Variants in SULT1B1 observed in about 807,000 individuals in gnomAD.
SULT1B1 encodes sulfotransferase family 1B member 1.
Under a neutral mutation model 34.6 loss-of-function variants are expected in SULT1B1, and 28 were observed. The observed-to-expected ratio is 0.81, with a 90% confidence interval of 0.60 to 1.11. The LOEUF (loss-of-function observed/expected upper bound fraction) is 1.11, where lower values mean the gene tolerates loss of function less well. Among genes scored for constraint, SULT1B1 ranks in the 50% least tolerant of loss-of-function variants. SULT1B1 has a pLI of 0.00. For missense variants in SULT1B1, 374 were observed against 352.2 expected, an observed-to-expected ratio of 1.06 and a Z score of -0.50; for synonymous variants, 147 against 110.2, an observed-to-expected ratio of 1.33 and a Z score of -2.09.
Position 69,734,966 on chromosome 4 carries a change from C to T in SULT1B1, c.376-702G>A, listed in dbSNP as rs568608864. Among the ~76,000 whole-genome samples the T allele has an allele frequency of 4.9e-3, 741 of 151,972 alleles. 1 individual carries two copies. Among genetic ancestry groups the T allele is most frequent in the Non-Finnish European group, 8.1e-3 (550 of 67,950 alleles). On this transcript the variant is annotated intron_variant, in intron 4 of 7. Coordinates refer to ENST00000310613, the MANE Select transcript of SULT1B1 (RefSeq NM_014465.4). ...CCGGAGTAGCTGTGACTACAGGCGC[C>T]CGCCACCACGCCTGGCTAATTTTTT...
At position 69,754,789 on chromosome 4, in the gene SULT1B1, CAAGT is replaced by C. The variant is rs1293720050; in HGVS notation, c.154_157del (p.Thr52GlyfsTer6). ...AATCATGTCTATAATTTCACTAACC[CAAGT>C]AGTACCTGTGACAAAAGGCAACATT... On this transcript the variant is annotated frameshift_variant, in exon 3 of 8. Transcript: ENST00000310613. LOFTEE classifies it high-confidence loss of function. The C allele has an allele frequency of 2.5e-6, 4 of 1,609,586 alleles. No homozygotes were observed. Among genetic ancestry groups the C allele is most frequent in the African/African-American group, 1.3e-5 (1 of 74,690 alleles).
At position 69,744,291 on chromosome 4, in the gene SULT1B1, G is replaced by A. The variant is rs373912822; in HGVS notation, c.375+5430C>T. Among the ~76,000 whole-genome samples, 172 of 152,306 alleles carry A rather than the reference G, an allele frequency of 1.1e-3. 5 individuals are homozygous for A. In the South Asian group the frequency reaches 0.031, roughly 28 times the overall value. On this transcript the variant is annotated intron_variant, in intron 4 of 7. Coordinates refer to ENST00000310613, the MANE Select transcript of SULT1B1 (RefSeq NM_014465.4). ...TCTCCTCTCTGTGTTTCCCCTCAGC[G>A]GAGGCGCAGCGGCCCTGGCCAACTT... is the stretch of plus-strand genomic sequence containing the variant.
At chr4:69,731,051 C>A (rs1446511219) in intron 6 of SULT1B1, among the ~76,000 whole-genome samples, 1 of 152,002 alleles carries the variant, frequency 6.6e-6, no homozygotes, top group Non-Finnish European at 1.5e-5. Context: ...TTTTTGGGGT[C>A]AAAAATATTT....
rs1717676250 is a variant in SULT1B1 at position 69,721,895 on chromosome 4, T to C, written c.*5193A>G. 1 of 152,122 alleles carries C rather than the reference T, an allele frequency of 6.6e-6. No homozygotes were observed. The highest frequency in any genetic ancestry group is 2.1e-4 in the South Asian group (1 of 4,838). The allele number at this position is 152,122 out of a possible 1,614,324, so 9.4% of individuals were successfully genotyped here. ...GTTCTGTTAGAGAAAGATTGTAATA[T>C]GAGATTATTTTAAGTGTTTTCATTT... On this transcript the variant is annotated 3_prime_UTR_variant, in exon 8 of 8. Transcript: ENST00000310613.
chr4:69,728,889 C>T (rs73826826), intron 7 of SULT1B1, among the ~76,000 whole-genome samples: 1 of 151,892 alleles, frequency 6.6e-6, no homozygotes, highest in African/African-American at 2.4e-5. Flanking sequence ...CCTGGATAAA[C>T]CTCAGATCAA....
rs569912013 is a variant in SULT1B1 at position 69,726,979 on chromosome 4, T to A, written c.*109A>T. On this transcript the variant is annotated 3_prime_UTR_variant, in exon 8 of 8. Transcript: ENST00000310613. ...AAAGAATCAACATATTAAAAGCATA[T>A]TATTCTCCTTTATAAATTCATTTGA... 1 of 668,868 alleles carries A rather than the reference T, an allele frequency of 1.5e-6. No individual in the cohort carries two copies. Among genetic ancestry groups the A allele is most frequent in the Non-Finnish European group, 2.4e-6 (1 of 423,768 alleles). 41.4% of individuals were successfully genotyped at this position (668,868 alleles called of 1,614,324 possible).
At chr4:69,737,180 A>G (rs1718353017) in intron 4 of SULT1B1, among the ~76,000 whole-genome samples, 1 of 152,222 alleles carries the variant, frequency 6.6e-6, no homozygotes, top group South Asian at 2.1e-4. Flanking sequence ...TGAAGGCCAA[A>G]GGGAAATAGC....
At chr4:69,758,218 G>T (rs1364857558) in intron 1 of SULT1B1, 21 of 780,786 alleles carry the variant, frequency 2.7e-5, no homozygotes, top group Non-Finnish European at 3.1e-5. Flanking sequence ...AAGAAAGTAA[G>T]TCTGTAAGCA....
chr4:69,752,948 GC>G (rs1719035369), intron 3 of SULT1B1, among the ~76,000 whole-genome samples: 1 of 151,922 alleles, frequency 6.6e-6, no homozygotes, highest in African/African-American at 2.4e-5. Context: ...AGTTTCCTTT[GC>G]TAGCTTCTCT....
At chr4:69,737,358 CA>C (rs1423764096) in intron 4 of SULT1B1, among the ~76,000 whole-genome samples, 2 of 151,692 alleles carry the variant, frequency 1.3e-5, no homozygotes, top group East Asian at 3.9e-4. Context: ...GGAAGTTCTC[CA>C]AACAGAAAGA....
chr4:69,723,360 C>T lies in SULT1B1; in HGVS notation c.*3728G>A, dbSNP rs1235659682. ...AATCTCTGAATAGAAAAATAACATG[C>T]TCTGAAATAGAGGCAATAATTAATA... On this transcript the variant is annotated 3_prime_UTR_variant, in exon 8 of 8. Transcript: ENST00000310613. 6.6e-6 allele frequency: 1 copy of T among 152,064 alleles called. No homozygotes were observed. The highest frequency in any genetic ancestry group is 6.6e-5 in the Admixed American group (1 of 15,246). 9.4% of individuals were successfully genotyped at this position (152,064 alleles called of 1,614,324 possible).
intron 6 of SULT1B1, among the ~76,000 whole-genome samples, chr4:69,731,653 A>G (rs187881891): frequency 3.0e-4 from 45 of 152,292 alleles, no homozygotes; most frequent in African/African-American, 1.0e-3. Context: ...TTGTTGTTGC[A>G]TTAAACTTCT....
intron 1 of SULT1B1, chr4:69,758,248 G>T: frequency 1.1e-6 from 1 of 936,832 alleles, no homozygotes. Context: ...GGATGAAGTT[G>T]GTATTGAATA....
intron 4 of SULT1B1, among the ~76,000 whole-genome samples, chr4:69,737,583 G>T (rs1718368903): frequency 6.6e-6 from 1 of 152,086 alleles, no homozygotes; most frequent in African/African-American, 2.4e-5. Context: ...TAGTAAAGGG[G>T]CCTAAATGGA....
At chr4:69,743,922 C>T (rs1718650015) in intron 4 of SULT1B1, among the ~76,000 whole-genome samples, 1 of 152,160 alleles carries the variant, frequency 6.6e-6, no homozygotes, top group Admixed American at 6.5e-5. Context: ...TCAACAGCTG[C>T]GCATGGGTGG....
chr4:69,721,609 T>C lies in SULT1B1; in HGVS notation c.*5479A>G, dbSNP rs1449311268. On this transcript the variant is annotated 3_prime_UTR_variant, in exon 8 of 8. Transcript: ENST00000310613. ...TTTATCACACAGAACATAGGGTCAA[T>C]GGGAAAGAGAATGAAGAATGTAGAT... is the stretch of plus-strand genomic sequence containing the variant. 6.6e-6 allele frequency: 1 copy of C among 151,972 alleles called. No individual in the cohort carries two copies. Among genetic ancestry groups the C allele is most frequent in the East Asian group, 1.9e-4 (1 of 5,182 alleles). 9.4% of individuals were successfully genotyped at this position (151,972 alleles called of 1,614,324 possible). A position where few individuals can be genotyped will look rare whatever the true frequency, so the allele number is the denominator to read the frequency against.
rs1346184961 is a variant in SULT1B1, at chr4:69,724,481, A to G, written c.*2607T>C. The stretch of plus-strand genomic sequence containing the variant: ...TTATAGATTCAATGCCATCCCCATT[A>G]AGCTACCAATGACTTTCTTCACAGA... On this transcript the variant is annotated 3_prime_UTR_variant, in exon 8 of 8. Coordinates refer to ENST00000310613, the MANE Select transcript of SULT1B1 (RefSeq NM_014465.4). 6.6e-6 allele frequency: 1 copy of G among 152,228 alleles called. No homozygotes were observed. Among genetic ancestry groups the G allele is most frequent in the Non-Finnish European group, 1.5e-5 (1 of 68,056 alleles). The allele number at this position is 152,228 out of a possible 1,614,324, so 9.4% of individuals were successfully genotyped here. A position where few individuals can be genotyped will look rare whatever the true frequency, so the allele number is the denominator to read the frequency against.
intron 1 of SULT1B1, among the ~76,000 whole-genome samples, chr4:69,757,323 G>A (rs945888919): frequency 9.2e-5 from 14 of 151,964 alleles, no homozygotes; most frequent in Admixed American, 3.3e-4. Context: ...AGATGAAATC[G>A]CATTGCTTCT....
chr4:69,758,428 T>C (rs1719272425), intron 1 of SULT1B1: 1 of 985,314 alleles, frequency 1.0e-6, no homozygotes. Flanking sequence ...ATGAATGAAA[T>C]AGCTCTTTCT....
Sources: gnomAD v4.1 joint callset for allele counts (sites outside exome capture counted in the v4.1 genomes callset) on GRCh38, gnomAD v4.1.1 for gene constraint, MANE v1.5 for transcripts, NCBI Gene and HGNC (gene_info 2026-07-23, HGNC 2026-07-21) for gene names.